APC: variants seen among roughly 807,000 people sequenced by gnomAD.
APC encodes the protein adenomatous polyposis coli protein.
Under a neutral mutation model 247.0 loss-of-function variants are expected in APC, and 72 were observed. The observed-to-expected ratio is 0.29, with a 90% CI of 0.24 to 0.35. The LOEUF is 0.35. APC is among the 10% of genes least tolerant of loss of function. APC has a pLI of 1.00. For synonymous variants in APC, 1,254 were observed against 1,162.5 expected (o/e 1.08, Z -1.60); for missense variants, 3,400 against 3,360.7 (o/e 1.01, Z -0.29).
rs1554076169 is a variant in APC, at chr5:112,801,320, T to C, written c.771T>C (p.Ala257=). The C allele has an allele frequency of 3.1e-6, 5 of 1,613,028 alleles. No individual in the cohort carries two copies. The highest frequency in any genetic ancestry group is 4.2e-6 in the Non-Finnish European group (5 of 1,179,350). Residue 257 remains alanine, a synonymous_variant, in exon 8 of 16, where the codon GCT becomes GCC. Coordinates refer to ENST00000257430, the MANE Select transcript of APC (RefSeq NM_000038.6). ...AGCATGAAACCGGCTCACATGATGC[T>C]GAGCGGCAGAATGAAGGTCAAGGAG... The part of the protein sequence containing the change: ...QNKHETGSHD[A]ERQNEGQGVG...
intron 14 of APC, among the ~76,000 whole-genome samples, chr5:112,833,803 A>T (rs1764567845): frequency 6.6e-6 from 1 of 152,234 alleles, no homozygotes; most frequent in Non-Finnish European, 1.5e-5. Context: ...TTTATAAATT[A>T]CATTGTTAAT....
intron 5 of APC, among the ~76,000 whole-genome samples, chr5:112,778,798 C>T (rs1758003104): frequency 6.6e-6 from 1 of 152,138 alleles, no homozygotes; most frequent in African/African-American, 2.4e-5. Flanking sequence ...CCACCTTGGT[C>T]TCCCAAAGTG....
At chr5:112,733,306 G>C (rs781385550), upstream of APC, among the ~76,000 whole-genome samples, 1 of 152,182 alleles carries the variant, frequency 6.6e-6, no homozygotes, top group Non-Finnish European at 1.5e-5. Flanking sequence ...TGTGACAAAA[G>C]GGAATTAAAA....
At chr5:112,745,871 T>C (rs1385876483) in intron 1 of APC, among the ~76,000 whole-genome samples, 1 of 151,962 alleles carries the variant, frequency 6.6e-6, no homozygotes, top group Non-Finnish European at 1.5e-5. Context: ...TAAATAACTA[T>C]TAAAAATAAC....
At chr5:112,722,063 C>G (rs1031323488) in intron 1 of APC, among the ~76,000 whole-genome samples, 2 of 152,134 alleles carry the variant, frequency 1.3e-5, no homozygotes, top group South Asian at 4.1e-4. Flanking sequence ...AAAGACCCCC[C>G]CATTGAGAAA....
Position 112,742,738 on chromosome 5 carries a change from C to A in APC, c.-19+4813C>A, listed in dbSNP as rs1753190328. The stretch of plus-strand genomic sequence containing the variant: ...ACTCAGAAGCCACACACCATTGCTT[C>A]TGCTGTATTCTCTTTATTAGATATG... On this transcript the variant is annotated intron_variant, in intron 1 of 15. Transcript: ENST00000257430. Among the ~76,000 whole-genome samples, 5 of 152,308 alleles carry A rather than the reference C, an allele frequency of 3.3e-5. No individual in the cohort carries two copies. In the South Asian group the frequency reaches 1.0e-3, roughly 32 times the overall value.
rs148659221 is a variant in APC at position 112,818,747 on chromosome 5, A to G, written c.934-219A>G. Among the ~76,000 whole-genome samples, 144 of 150,476 alleles carry G rather than the reference A, an allele frequency of 9.6e-4. 2 individuals are homozygous for G. In the East Asian group the frequency reaches 0.023, roughly 24 times the overall value. ...AATACTGTATATTACCACTCATACT[A>G]TTTACTCACATAAACAAATTGGTGA... On this transcript the variant is annotated intron_variant, in intron 9 of 15. Transcript: ENST00000257430.
chr5:112,768,338 C>T (rs1756602478), intron 4 of APC, among the ~76,000 whole-genome samples: 1 of 149,770 alleles, frequency 6.7e-6, no homozygotes, highest in African/African-American at 2.5e-5. Flanking sequence ...AGGCACTACA[C>T]TTGGCCAAGA....
chr5:112,829,365 T>G (rs989904958), intron 14 of APC: 4 of 204,198 alleles, frequency 2.0e-5, no homozygotes, highest in African/African-American at 2.4e-5. Flanking sequence ...GAACTACTCC[T>G]GACTTTGTGA....
chr5:112,833,955 T>C (rs1301840483), intron 14 of APC, among the ~76,000 whole-genome samples: 1 of 152,080 alleles, frequency 6.6e-6, no homozygotes, highest in African/African-American at 2.4e-5. Flanking sequence ...TTTAAAAATC[T>C]ACTTTCTTTT....
chr5:112,733,703 G>T (rs1752210600), upstream of APC, among the ~76,000 whole-genome samples: 1 of 152,188 alleles, frequency 6.6e-6, no homozygotes, highest in Admixed American at 6.5e-5. Flanking sequence ...TGTGTTTTAA[G>T]ACACTAAATT....
chr5:112,805,043 T>G (rs1448362535), intron 8 of APC, among the ~76,000 whole-genome samples: 1 of 152,068 alleles, frequency 6.6e-6, no homozygotes, highest in Non-Finnish European at 1.5e-5. Context: ...AAGTATGATC[T>G]CATTATACAT....
At position 112,843,662 on chromosome 5, in the gene APC, G is replaced by A. The variant is rs140868933; in HGVS notation, c.8068G>A (p.Ala2690Thr). ...PPVIDSVSEK[A>T]NPNIKDSKDN... ...GGTGATTGACAGTGTTTCAGAAAAG[G>A]CAAATCCAAACATTAAAGATTCAAA... Residue 2690 changes from alanine (A) to threonine (T), a missense_variant, in exon 16 of 16, where the codon GCA becomes ACA. Ala to Thr is a moderately conservative substitution (Grantham distance 58). Coordinates refer to ENST00000257430, the MANE Select transcript of APC (RefSeq NM_000038.6). The surrounding 1 kb of genome is among the most constrained non-coding windows in gnomAD (Gnocchi z 4.8). 1.4e-3 allele frequency: 2,230 copies of A among 1,613,912 alleles called. 9 individuals carry two copies. Among genetic ancestry groups the A allele is most frequent in the Non-Finnish European group, 1.0e-3 (1,178 of 1,179,842 alleles).
chr5:112,767,108 C>G (rs1236035291), intron 3 of APC, 81 bp from the exon 4 acceptor site: 3 of 1,207,280 alleles, frequency 2.5e-6, no homozygotes, highest in Non-Finnish European at 1.2e-6. Flanking sequence ...TAATATTTCA[C>G]TTTAAAATAA....
intron 2 of APC, among the ~76,000 whole-genome samples, chr5:112,763,935 C>A (rs770687664): frequency 6.6e-6 from 1 of 152,102 alleles, no homozygotes; most frequent in Admixed American, 6.6e-5. Flanking sequence ...GGAGAAGAAT[C>A]TTACAAAGAG....
intron 7 of APC, among the ~76,000 whole-genome samples, chr5:112,795,824 A>G (rs1414617773): frequency 6.6e-6 from 1 of 152,216 alleles, no homozygotes; most frequent in Non-Finnish European, 1.5e-5. Context: ...AAGAAAAATG[A>G]ATTTTTTCAA....
At chr5:112,761,222 T>G (rs1251067971) in intron 2 of APC, among the ~76,000 whole-genome samples, 2 of 152,234 alleles carry the variant, frequency 1.3e-5, no homozygotes, top group Non-Finnish European at 2.9e-5. Flanking sequence ...TCTTTTGTTC[T>G]TGTATACACA....
chr5:112,726,440 G>A lies in APC; in HGVS notation c.165+18558G>A, dbSNP rs150814401. Among the ~76,000 whole-genome samples, 9 of 152,202 alleles carry A rather than the reference G, an allele frequency of 5.9e-5. No individual in the cohort carries two copies. In the East Asian group the frequency reaches 1.2e-3, roughly 20 times the overall value. ...GACCATCCCCAGCCAAACTCCTCTC[G>A]GCGTTCAAACATTCCTTTTCTTTTC... On this transcript the variant is annotated intron_variant, in intron 1 of 13. Coordinates refer to the APC transcript ENST00000507379.
chr5:112,751,303 A>G (rs2149723942), intron 1 of APC, among the ~76,000 whole-genome samples: 1 of 152,154 alleles, frequency 6.6e-6, no homozygotes, highest in East Asian at 1.9e-4. Context: ...ATATTTTAAT[A>G]TGTTGTTGGT....
Sources: gnomAD v4.1 joint callset for allele counts (sites outside exome capture counted in the v4.1 genomes callset) on GRCh38, gnomAD v4.1.1 for gene constraint, Gnocchi (gnomAD v3.1) non-coding constraint, MANE v1.5 for transcripts, NCBI Gene and HGNC (gene_info 2026-07-23, HGNC 2026-07-21) for gene names.